RALGAPB: variants seen among roughly 807,000 people sequenced by gnomAD.
The protein encoded by RALGAPB is Ral GTPase activating protein non-catalytic subunit beta.
RALGAPB carries 25 observed loss-of-function variants against 161.1 expected under a neutral mutation model. The observed-to-expected ratio is 0.16, with a 90% confidence interval of 0.11 to 0.22. RALGAPB has a LOEUF of 0.22. Ranked by LOEUF, RALGAPB falls within the 10% of genes least tolerant of loss-of-function variation. The pLI is 1.00. For synonymous variants in RALGAPB, 629 were observed against 626.1 expected, an observed-to-expected ratio of 1.00 and a Z score of -0.07; for missense variants, 1,391 against 1,815.2, an observed-to-expected ratio of 0.77 and a Z score of 4.25.
intron 15 of RALGAPB, chr20:38,534,374 C>A (rs186654726): frequency 6.6e-6 from 1 of 152,664 alleles, no homozygotes; most frequent in East Asian, 1.9e-4. Context: ...TCACTGCCCT[C>A]TTTCTGATAG....
chr20:38,543,117 T>C (rs903835341), intron 18 of RALGAPB, among the ~76,000 whole-genome samples: 7 of 152,196 alleles, frequency 4.6e-5, no homozygotes, highest in African/African-American at 1.4e-4. Context: ...CTCATCTGTT[T>C]CGCTTCAGCT....
chr20:38,505,942 G>A (rs6100002), intron 5 of RALGAPB, among the ~76,000 whole-genome samples: 11,116 of 152,066 alleles, frequency 0.073, 1,412 homozygotes, highest in African/African-American at 0.25. Context: ...AAATTTCCAG[G>A]TACAATTGAC....
chr20:38,522,735 A>G (rs1039706527), intron 10 of RALGAPB, among the ~76,000 whole-genome samples: 6 of 152,222 alleles, frequency 3.9e-5, no homozygotes, highest in African/African-American at 1.2e-4. Flanking sequence ...CAGGGTTATC[A>G]TAACTATCGG....
At chr20:38,541,338 A>G (rs2086957731) in intron 18 of RALGAPB, 146 bp downstream of exon 18, 2 of 902,248 alleles carry the variant, frequency 2.2e-6, no homozygotes, top group Non-Finnish European at 1.5e-6. Flanking sequence ...TAAAATGGGA[A>G]GAAAATCTCT....
At position 38,577,082 on chromosome 20, in the gene RALGAPB, GGGAA is replaced by G. The variant is rs139677654; in HGVS notation, c.*2123_*2126del. The G allele has an allele frequency of 1.3e-5, 2 of 152,296 alleles. No individual in the cohort carries two copies. The highest frequency in any genetic ancestry group is 3.9e-4 in the East Asian group (2 of 5,184). 9.4% of individuals were successfully genotyped at this position (152,296 alleles called of 1,614,324 possible). On this transcript the variant is annotated 3_prime_UTR_variant, in exon 30 of 30. Transcript: ENST00000262879. ...ATCTGGGAGACTTCCTCGTCTTCCAGGGAAGGAAGGATGTGCAGCCCCTGAAGGC... is the reference window on the plus strand; with the variant it reads ...ATCTGGGAGACTTCCTCGTCTTCCAGGGAAGGATGTGCAGCCCCTGAAGGC...
intron 22 of RALGAPB, among the ~76,000 whole-genome samples, chr20:38,557,758 C>T (rs540205305): frequency 3.3e-5 from 5 of 152,258 alleles, no homozygotes; most frequent in South Asian, 2.1e-4. Context: ...TATGGATGCA[C>T]CACAGTTGAT....
At chr20:38,528,076 G>A (rs1375438052) in intron 13 of RALGAPB, among the ~76,000 whole-genome samples, 2 of 152,192 alleles carry the variant, frequency 1.3e-5, no homozygotes, top group Non-Finnish European at 2.9e-5. Context: ...TTAAAAAGCA[G>A]TGTGGTCAGA....
At chr20:38,524,294 A>T (rs1234767604) in intron 10 of RALGAPB, among the ~76,000 whole-genome samples, 2 of 152,224 alleles carry the variant, frequency 1.3e-5, no homozygotes, top group Non-Finnish European at 2.9e-5. Context: ...AGGGACAAAA[A>T]TGTAAACACA....
In RALGAPB at chr20:38,532,776, G is replaced by C. The variant is rs2086694598; in HGVS notation, c.2162G>C (p.Gly721Ala). ...AAGAGTCATAGTCGCACCAATAGTG[G>C]TATTAGTTCAGCAAGTGGTGGAAGC... ...NLKSHSRTNS[G>A]ISSASGGSTE... Residue 721 changes from glycine (G) to alanine (A), a missense_variant, in exon 15 of 30, where the codon GGT (glycine) becomes GCT (alanine). Gly to Ala is a moderately conservative substitution (Grantham distance 60, BLOSUM62 0). Coordinates refer to ENST00000262879, the MANE Select transcript of RALGAPB (RefSeq NM_020336.4). 8 of 1,613,920 alleles carry C rather than the reference G, an allele frequency of 5.0e-6. No individual in the cohort carries two copies. Among genetic ancestry groups the C allele is most frequent in the Non-Finnish European group, 5.9e-6 (7 of 1,179,796 alleles).
intron 5 of RALGAPB, 25 bp downstream of exon 5, chr20:38,499,658 T>G: frequency 6.3e-7 from 1 of 1,588,650 alleles, no homozygotes; most frequent in Non-Finnish European, 8.6e-7. Context: ...TTGCCCTGCC[T>G]TCCTTCACCT....
At chr20:38,566,709 TC>T (rs2088013136) in intron 25 of RALGAPB, among the ~76,000 whole-genome samples, 1 of 152,228 alleles carries the variant, frequency 6.6e-6, no homozygotes, top group South Asian at 2.1e-4. Context: ...GAATATATAA[TC>T]TAAATAATTC....
intron 28 of RALGAPB, among the ~76,000 whole-genome samples, chr20:38,573,057 ACTGT>A (rs910566164): frequency 5.3e-5 from 8 of 151,560 alleles, no homozygotes; most frequent in African/African-American, 1.9e-4. Flanking sequence ...CTTATCATTT[ACTGT>A]CTTTGTTGTT....
At chr20:38,554,134 A>G in intron 22 of RALGAPB, 58 bp downstream of exon 22, 1 of 1,413,548 alleles carries the variant, frequency 7.1e-7, no homozygotes, top group Non-Finnish European at 1.0e-6. Flanking sequence ...TCAGCTGACA[A>G]TAGCTAAAAT....
chr20:38,543,815 T>C (rs964674721), intron 18 of RALGAPB, among the ~76,000 whole-genome samples: 2 of 152,220 alleles, frequency 1.3e-5, no homozygotes, highest in Non-Finnish European at 2.9e-5. Flanking sequence ...GTTATTCTGC[T>C]TCTGAAGATG....
Position 38,535,141 on chromosome 20 carries a change from C to A in RALGAPB, c.2313C>A (p.Asn771Lys). 2 of 1,614,110 alleles carry A rather than the reference C, an allele frequency of 1.2e-6. No individual in the cohort carries two copies. Among genetic ancestry groups the A allele is most frequent in the Non-Finnish European group, 8.5e-7 (1 of 1,179,906 alleles). ...RSIHLVTQRLNSQWRQDMSIS... is the reference protein window; with the variant it reads ...RSIHLVTQRLKSQWRQDMSIS... Reference sequence around the variant, plus strand: ...TTCATCTCGTCACCCAAAGACTCAACTCCCAGTGGCGCCAAGACATGAGCA... The same window carrying A: ...TTCATCTCGTCACCCAAAGACTCAAATCCCAGTGGCGCCAAGACATGAGCA... Residue 771 changes from asparagine to lysine, a missense_variant, in exon 16 of 30, where the codon AAC (asparagine) becomes AAA (lysine). Asn to Lys is a moderately conservative substitution (Grantham distance 94). Around this residue, in one of 3 missense-constraint regions of RALGAPB, gnomAD observed 946 missense variants for 1,257.2 expected, o/e 0.75. Transcript: ENST00000262879.
chr20:38,528,244 A>G (rs1199718089), intron 13 of RALGAPB, among the ~76,000 whole-genome samples: 3 of 152,152 alleles, frequency 2.0e-5, no homozygotes, highest in Admixed American at 2.0e-4. Context: ...ATTACCCTTG[A>G]AATTGAGATG....
At chr20:38,476,427 C>T (rs1007697817) in intron 1 of RALGAPB, among the ~76,000 whole-genome samples, 6 of 152,214 alleles carry the variant, frequency 3.9e-5, no homozygotes, top group Non-Finnish European at 8.8e-5. Context: ...ACATGGTTAG[C>T]TTCTAGCACC....
At chr20:38,502,759 T>A (rs761708276) in intron 5 of RALGAPB, among the ~76,000 whole-genome samples, 10 of 152,096 alleles carry the variant, frequency 6.6e-5, no homozygotes, top group Non-Finnish European at 1.2e-4. Flanking sequence ...TGAGCCACCA[T>A]GCCCAGCTAA....
In RALGAPB at chr20:38,517,511, T is replaced by G; in HGVS notation, c.1057T>G (p.Ser353Ala). Residue 353 changes from serine (S) to alanine (A), a missense_variant, in exon 8 of 30, where the codon TCT (serine) becomes GCT (alanine). By Grantham distance (99) the Ser-to-Ala change is moderately conservative. Transcript: ENST00000262879. ...SCLVDAFLGI[S>A]RPRSDSAPPT... ...GTCTTTTTTTTTTTTTTAAGGTATTTCTAGACCCCGATCAGACAGTGCTCC... is the reference window on the plus strand; with the variant it reads ...GTCTTTTTTTTTTTTTTAAGGTATTGCTAGACCCCGATCAGACAGTGCTCC... The G allele has an allele frequency of 6.4e-7, 1 of 1,560,302 alleles. No homozygotes were observed. The highest frequency in any genetic ancestry group is 8.6e-7 in the Non-Finnish European group (1 of 1,159,054).
Sources: gnomAD v4.1 joint callset for allele counts (sites outside exome capture counted in the v4.1 genomes callset) on GRCh38, gnomAD v4.1.1 for gene constraint, gnomAD v4.1.1 regional missense constraint, MANE v1.5 for transcripts, NCBI Gene and HGNC (gene_info 2026-07-23, HGNC 2026-07-21) for gene names.